NXPH4: variants seen among roughly 807,000 people sequenced by gnomAD.
The protein encoded by NXPH4 is neurexophilin-4.
Under a neutral mutation model 21.3 loss-of-function variants are expected in NXPH4, and 8 were observed. The observed-to-expected ratio is 0.38, with a 90% confidence interval of 0.22 to 0.68. The LOEUF (loss-of-function observed/expected upper bound fraction) is 0.68. Among genes scored for constraint, NXPH4 ranks in the 30% least tolerant of loss-of-function variants. The pLI is 0.53. For synonymous variants in NXPH4, 219 were observed against 192.6 expected (o/e 1.14, Z -1.13); for missense variants, 418 against 416.8 (o/e 1.00, Z -0.03).
rs2037146419 is a variant in NXPH4 at position 57,226,148 on chromosome 12, G to A, written c.*401G>A. On this transcript the variant is annotated 3_prime_UTR_variant, in exon 2 of 2. Transcript: ENST00000349394. The stretch of plus-strand genomic sequence containing the variant: ...CCCACCCTGACTTTCCCATCCCCCA[G>A]CGCTTGTCCTGCTTCACCCTACCCC... 1 of 452,258 alleles carries A rather than the reference G, an allele frequency of 2.2e-6. No homozygotes were observed. The highest frequency in any genetic ancestry group is 2.0e-5 in the African/African-American group (1 of 50,558). 28.0% of individuals were successfully genotyped at this position (452,258 alleles called of 1,614,324 possible). A position where few individuals can be genotyped will look rare whatever the true frequency, so the allele number is the denominator to read the frequency against.
chr12:57,225,407 C>T lies in NXPH4; in HGVS notation c.587C>T (p.Ala196Val). Reference sequence around the variant, plus strand: ...GGGCTGGGGCCCCCGCTGGGGATGGCAGCAGCAGCGGCGGGGCCCGGGCTT... The same window carrying T: ...GGGCTGGGGCCCCCGCTGGGGATGGTAGCAGCAGCGGCGGGGCCCGGGCTT... ...LPGLGPPLGMAAAAAGPGLGG... is the reference protein window; with the variant it reads ...LPGLGPPLGMVAAAAGPGLGG... The change falls in exon 2 of 2, where the codon GCA becomes GTA. Residue 196 changes from alanine (A) to valine (V), a missense_variant. Coordinates refer to ENST00000349394, the MANE Select transcript of NXPH4 (RefSeq NM_007224.4). 1.9e-6 allele frequency: 3 copies of T among 1,602,232 alleles called. No individual in the cohort carries two copies. The highest frequency in any genetic ancestry group is 2.5e-6 in the Non-Finnish European group (3 of 1,177,210).
At chr12:57,222,124 A>G (rs958086107) in intron 1 of NXPH4, among the ~76,000 whole-genome samples, 1 of 151,998 alleles carries the variant, frequency 6.6e-6, no homozygotes, top group Non-Finnish European at 1.5e-5. Context: ...TCGTTTCCTC[A>G]CAGACTCTCA....
chr12:57,223,538 G>A (rs530054245), intron 1 of NXPH4, among the ~76,000 whole-genome samples: 1 of 152,056 alleles, frequency 6.6e-6, no homozygotes, highest in Non-Finnish European at 1.5e-5. Flanking sequence ...CAACCATTTG[G>A]GGCTAACAGA....
At chr12:57,220,452 A>T (rs2037080862) in intron 1 of NXPH4, among the ~76,000 whole-genome samples, 1 of 117,342 alleles carries the variant, frequency 8.5e-6, no homozygotes, top group South Asian at 3.1e-4. Flanking sequence ...TCCAGGAAGC[A>T]GGGAAATAAA....
chr12:57,219,624 G>T (rs1380675508), intron 1 of NXPH4, among the ~76,000 whole-genome samples: 3 of 152,166 alleles, frequency 2.0e-5, no homozygotes, highest in African/African-American at 7.2e-5. Context: ...TAGCCCCCCA[G>T]CTAATCTCTG....
Position 57,216,859 on chromosome 12 carries a change from TCCCGC to T in NXPH4, c.-109_-105del, listed in dbSNP as rs2037042878. 3.7e-6 allele frequency: 2 copies of T among 547,142 alleles called. No homozygotes were observed. Among genetic ancestry groups the T allele is most frequent in the South Asian group, 7.8e-5 (1 of 12,768 alleles). 33.9% of individuals were successfully genotyped at this position (547,142 alleles called of 1,614,324 possible). A position where few individuals can be genotyped will look rare whatever the true frequency, so the allele number is the denominator to read the frequency against. On this transcript the variant is annotated 5_prime_UTR_variant, in exon 1 of 2. Coordinates refer to ENST00000349394, the MANE Select transcript of NXPH4 (RefSeq NM_007224.4). This position sits in a 1 kb window ranked among gnomAD's most constrained non-coding sequence, Gnocchi z 5.3. ...CCGCCGCTCCCGCCGCTCCCGCCGC[TCCCGC>T]CGCTCCCGCAGCCGCCCCGCCGCCC...
chr12:57,224,935 G>A lies in NXPH4; in HGVS notation c.115G>A (p.Ala39Thr), dbSNP rs752888652. ...GCCGCAGTACCTGGGGCTGCGCCCC[G>A]CCGCGGCCGGAGCGGGTGCCCCCGG... ...GRPQYLGLRP[A>T]AAGAGAPGQQ... The change falls in exon 2 of 2, where the codon GCC becomes ACC. Residue 39 changes from alanine (A) to threonine (T), a missense_variant. Coordinates refer to ENST00000349394, the MANE Select transcript of NXPH4 (RefSeq NM_007224.4). 4 of 1,378,808 alleles carry A rather than the reference G, an allele frequency of 2.9e-6. No individual in the cohort carries two copies. The highest frequency in any genetic ancestry group is 1.7e-5 in the South Asian group (1 of 59,640). The allele number at this position is 1,378,808 out of a possible 1,614,324, so 85.4% of individuals were successfully genotyped here.
At position 57,225,384 on chromosome 12, in the gene NXPH4, G is replaced by C. The variant is rs754821408; in HGVS notation, c.564G>C (p.Gly188=). 4 of 1,595,444 alleles carry C rather than the reference G, an allele frequency of 2.5e-6. No homozygotes were observed. The South Asian group carries it at 4.5e-5, about 18-fold the overall frequency. The change falls in exon 2 of 2, where the codon GGG becomes GGC. Residue 188 remains glycine (G), a synonymous_variant. Coordinates refer to ENST00000349394, the MANE Select transcript of NXPH4 (RefSeq NM_007224.4). ...STLALEGVLP[G]LGPPLGMAAA... ...TCGCCCTGGAGGGGGTGCTTCCTGG[G>C]CTGGGGCCCCCGCTGGGGATGGCAG...
At chr12:57,220,406 C>T (rs981831220) in intron 1 of NXPH4, among the ~76,000 whole-genome samples, 23 of 152,332 alleles carry the variant, frequency 1.5e-4, no homozygotes, top group South Asian at 8.3e-4. Flanking sequence ...GGGCGGGGGG[C>T]GGGGGGGCAG....
chr12:57,219,171 C>G (rs376497656), intron 1 of NXPH4, among the ~76,000 whole-genome samples: 20 of 152,138 alleles, frequency 1.3e-4, no homozygotes, highest in East Asian at 1.2e-3. Context: ...AACTTTTTGG[C>G]AACCCTAACC....
intron 1 of NXPH4, among the ~76,000 whole-genome samples, chr12:57,217,573 C>A (rs945829223): frequency 6.6e-6 from 1 of 152,226 alleles, no homozygotes; most frequent in African/African-American, 2.4e-5. Flanking sequence ...ACATTTCCCA[C>A]GGAGACACCA....
intron 1 of NXPH4, among the ~76,000 whole-genome samples, chr12:57,224,584 A>T (rs1420446542): frequency 6.6e-6 from 1 of 152,224 alleles, no homozygotes; most frequent in East Asian, 1.9e-4. Flanking sequence ...ACTCACCTTC[A>T]CACTGGCTTT....
At chr12:57,218,025 C>G (rs2037056860) in intron 1 of NXPH4, among the ~76,000 whole-genome samples, 1 of 152,174 alleles carries the variant, frequency 6.6e-6, no homozygotes. Flanking sequence ...AGGCCCCAGT[C>G]CCCCATTTTC....
At chr12:57,220,350 C>G (rs559488647) in intron 1 of NXPH4, among the ~76,000 whole-genome samples, 175 of 152,358 alleles carry the variant, frequency 1.1e-3, no homozygotes, top group African/African-American at 4.1e-3. Context: ...GCCCCGGAGC[C>G]GGCGCCTTTA....
At chr12:57,219,475 C>G (rs2037069192) in intron 1 of NXPH4, among the ~76,000 whole-genome samples, 1 of 152,212 alleles carries the variant, frequency 6.6e-6, no homozygotes, top group Non-Finnish European at 1.5e-5. Flanking sequence ...TACTAATTAG[C>G]TGGGGGAGGG....
In NXPH4 at chr12:57,225,748, C is replaced by A. The variant is rs770399720; in HGVS notation, c.*1C>A. 7 of 1,606,538 alleles carry A rather than the reference C, an allele frequency of 4.4e-6. No homozygotes were observed. Among genetic ancestry groups the A allele is most frequent in the Admixed American group, 3.3e-5 (2 of 59,868 alleles). ...GAGTGAGCACCCCTACTTCGGATAG[C>A]GCCCCTCCCCAGCCAGTCCTGAGCC... On this transcript the variant is annotated 3_prime_UTR_variant, in exon 2 of 2. Transcript: ENST00000349394.
chr12:57,217,680 G>A (rs2037053792), intron 1 of NXPH4, among the ~76,000 whole-genome samples: 1 of 152,188 alleles, frequency 6.6e-6, no homozygotes, highest in Non-Finnish European at 1.5e-5. Context: ...TGCCCTCCCT[G>A]CCTCCAACCC....
intron 1 of NXPH4, chr12:57,221,384 C>A (rs931189002): frequency 6.6e-6 from 3 of 455,582 alleles, no homozygotes; most frequent in Non-Finnish European, 1.3e-5. Flanking sequence ...GGAAAAGCAA[C>A]GGGCCAGCCT....
chr12:57,224,651 TCA>T (rs1408221052), intron 1 of NXPH4, among the ~76,000 whole-genome samples: 2 of 152,218 alleles, frequency 1.3e-5, no homozygotes, highest in Non-Finnish European at 2.9e-5. Flanking sequence ...TGACGTCATT[TCA>T]CAGATGTACA....
Sources: allele counts gnomAD v4.1 joint callset (sites outside exome capture counted in the v4.1 genomes callset), GRCh38; gene constraint gnomAD v4.1.1; non-coding constraint Gnocchi (gnomAD v3.1); transcripts MANE v1.5; gene names NCBI Gene and HGNC (gene_info 2026-07-23, HGNC 2026-07-21).